Variants in TBC1D22A observed in about 807,000 individuals in gnomAD.
TBC1D22A encodes the protein TBC1 domain family member 22A.
A neutral mutation model predicts 60.2 loss-of-function variants in TBC1D22A; 38 were observed. The ratio of observed to expected loss-of-function variants is 0.63; its 90% CI spans 0.49 to 0.83. The LOEUF (loss-of-function observed/expected upper bound fraction) is 0.83. TBC1D22A is among the 40% of genes least tolerant of loss of function. TBC1D22A has a pLI of 0.00. For missense variants in TBC1D22A, 628 were observed against 701.0 expected (o/e 0.90, Z 1.18); for synonymous variants, 302 against 281.7 (o/e 1.07, Z -0.72).
chr22:46,980,557 A>G (rs1416901818), intron 9 of TBC1D22A, among the ~76,000 whole-genome samples: 1 of 152,284 alleles, frequency 6.6e-6, no homozygotes, highest in Non-Finnish European at 1.5e-5. Flanking sequence ...TTTAAAACTC[A>G]TTAGACAAAA....
At chr22:47,035,357 G>A (rs931720254) in intron 10 of TBC1D22A, among the ~76,000 whole-genome samples, 1 of 152,184 alleles carries the variant, frequency 6.6e-6, no homozygotes, top group African/African-American at 2.4e-5. Context: ...CTCCTGGAGG[G>A]CAGTCCTGTG....
At chr22:47,136,959 A>C (rs2066897213) in intron 12 of TBC1D22A, among the ~76,000 whole-genome samples, 1 of 152,156 alleles carries the variant, frequency 6.6e-6, no homozygotes, top group Non-Finnish European at 1.5e-5. Context: ...GGGTGTCGCC[A>C]GCCCATGCTG....
chr22:46,866,412 T>G (rs2067059031), intron 4 of TBC1D22A, among the ~76,000 whole-genome samples: 1 of 152,144 alleles, frequency 6.6e-6, no homozygotes, highest in Non-Finnish European at 1.5e-5. Flanking sequence ...ACCCCAAAAA[T>G]GAAGATCTTG....
chr22:46,976,731 C>T (rs1368529118), intron 9 of TBC1D22A, among the ~76,000 whole-genome samples: 1 of 152,208 alleles, frequency 6.6e-6, no homozygotes, highest in Non-Finnish European at 1.5e-5. Context: ...CTTGGGGAAG[C>T]TCTCTCTTGG....
chr22:46,921,695 C>G (rs1311975543), intron 8 of TBC1D22A, among the ~76,000 whole-genome samples: 7 of 151,994 alleles, frequency 4.6e-5, no homozygotes, highest in African/African-American at 9.7e-5. Flanking sequence ...GAACTATTTA[C>G]ATTCTCACTA....
At chr22:46,916,025 G>A (rs969444541) in intron 8 of TBC1D22A, 21 of 453,606 alleles carry the variant, frequency 4.6e-5, no homozygotes, top group Admixed American at 9.6e-5. Context: ...AGCTTTACCC[G>A]AGGACAGATC....
intron 12 of TBC1D22A, among the ~76,000 whole-genome samples, chr22:47,119,881 G>A (rs2147753885): frequency 6.6e-6 from 1 of 152,342 alleles, no homozygotes; most frequent in South Asian, 2.1e-4. Flanking sequence ...GGCCTCTGGT[G>A]TCTGTCCAGG....
At chr22:47,057,294 C>T (rs1052183018) in intron 11 of TBC1D22A, among the ~76,000 whole-genome samples, 1 of 152,188 alleles carries the variant, frequency 6.6e-6, no homozygotes, top group East Asian at 1.9e-4. Flanking sequence ...CCTCCTTCCA[C>T]GGGAGCAGAA....
At chr22:46,765,133 C>A (rs1334173203) in intron 1 of TBC1D22A, among the ~76,000 whole-genome samples, 1 of 152,154 alleles carries the variant, frequency 6.6e-6, no homozygotes, top group East Asian at 1.9e-4. Context: ...TTGGAGAGTT[C>A]GAGGCTGTCA....
intron 4 of TBC1D22A, among the ~76,000 whole-genome samples, chr22:46,805,821 A>C (rs1246058426): frequency 2.6e-5 from 3 of 116,042 alleles, no homozygotes; most frequent in Non-Finnish European, 5.0e-5. Flanking sequence ...CTGGTTCCTT[A>C]ATGTCTTTCT....
chr22:47,015,598 A>T (rs1039631420), intron 10 of TBC1D22A, among the ~76,000 whole-genome samples: 1 of 152,174 alleles, frequency 6.6e-6, no homozygotes, highest in Non-Finnish European at 1.5e-5. Context: ...GACCACACAC[A>T]TATAATTGTT....
At chr22:46,877,937 G>A (rs2067642932) in intron 4 of TBC1D22A, among the ~76,000 whole-genome samples, 1 of 152,186 alleles carries the variant, frequency 6.6e-6, no homozygotes, top group Non-Finnish European at 1.5e-5. Context: ...TCTGCCTGAT[G>A]CTTGTCCTTC....
At chr22:46,774,344 G>T in intron 1 of TBC1D22A, 1 of 803,876 alleles carries the variant, frequency 1.2e-6, no homozygotes. Context: ...CCATTTCTGG[G>T]CCCCGTGCTG....
At chr22:46,781,552 C>T (rs568042257) in intron 1 of TBC1D22A, among the ~76,000 whole-genome samples, 2 of 152,272 alleles carry the variant, frequency 1.3e-5, no homozygotes, top group East Asian at 3.9e-4. Context: ...CGAGTGGTGG[C>T]ATTGCAGTTG....
chr22:46,991,421 G>A (rs999496838), intron 9 of TBC1D22A, among the ~76,000 whole-genome samples: 1 of 152,178 alleles, frequency 6.6e-6, no homozygotes, highest in African/African-American at 2.4e-5. Flanking sequence ...GATTCAGAAT[G>A]GGTTCAGCTG....
intron 7 of TBC1D22A, among the ~76,000 whole-genome samples, chr22:46,901,548 A>G (rs908250593): frequency 6.6e-6 from 1 of 152,260 alleles, no homozygotes; most frequent in African/African-American, 2.4e-5. Context: ...ATTTCTGCTC[A>G]TCGCGAGAGA....
Position 46,762,689 on chromosome 22 carries a change from C to T in TBC1D22A, c.-98C>T, listed in dbSNP as rs1426334607. On this transcript the variant is annotated 5_prime_UTR_variant, in exon 1 of 13. Transcript: ENST00000337137. Reference sequence around the variant, plus strand: ...GCTCTAGGCTCTGGAGTCCCGGGAGCAGTGAGGGGCCACCCGGGGCACAGG... The same window carrying T: ...GCTCTAGGCTCTGGAGTCCCGGGAGTAGTGAGGGGCCACCCGGGGCACAGG... The T allele has an allele frequency of 3.9e-6, 4 of 1,038,690 alleles. No individual in the cohort carries two copies. Among genetic ancestry groups the T allele is most frequent in the Non-Finnish European group, 5.2e-6 (4 of 764,630 alleles). The allele number at this position is 1,038,690 out of a possible 1,614,324, so 64.3% of individuals were successfully genotyped here.
chr22:46,985,549 C>T (rs553509005), intron 9 of TBC1D22A, among the ~76,000 whole-genome samples: 2 of 152,294 alleles, frequency 1.3e-5, no homozygotes, highest in South Asian at 4.1e-4. Flanking sequence ...TTTACAGTAG[C>T]TTTGAAAACC....
chr22:46,765,558 C>T (rs1024775681), intron 1 of TBC1D22A, among the ~76,000 whole-genome samples: 1 of 150,302 alleles, frequency 6.7e-6, no homozygotes, highest in East Asian at 2.0e-4. Flanking sequence ...CTCTGCCTCC[C>T]AGGTTCAAGT....
Sources: allele counts gnomAD v4.1 joint callset (sites outside exome capture counted in the v4.1 genomes callset), GRCh38; gene constraint gnomAD v4.1.1; transcripts MANE v1.5; gene names NCBI Gene and HGNC (gene_info 2026-07-23, HGNC 2026-07-21).